CRBN: variants seen among roughly 807,000 people sequenced by gnomAD.
The protein encoded by CRBN is cereblon, also known as protein cereblon.
CRBN carries 53 observed loss-of-function variants against 62.2 expected under a neutral mutation model. The observed-to-expected ratio is 0.85, with a 90% CI of 0.68 to 1.07. The LOEUF (loss-of-function observed/expected upper bound fraction) is 1.07. Ranked by LOEUF, CRBN falls within the 50% of genes least tolerant of loss-of-function variation. The probability of loss-of-function intolerance (pLI) is 0.00; values close to 1 mark genes in which losing one functional copy is unlikely to be tolerated. For missense variants in CRBN, 616 were observed against 531.1 expected, an observed-to-expected ratio of 1.16 and a Z score of -1.57; for synonymous variants, 208 against 176.1, an observed-to-expected ratio of 1.18 and a Z score of -1.43.
At chr3:3,157,883 C>A in intron 5 of CRBN, among the ~76,000 whole-genome samples, 1 of 152,120 alleles carries the variant, frequency 6.6e-6, no homozygotes, top group East Asian at 1.9e-4. Context: ...TGTCTTGTTA[C>A]CAGAGATGTT....
intron 4 of CRBN, among the ~76,000 whole-genome samples, chr3:3,170,955 G>A (rs1379759841): frequency 1.3e-5 from 2 of 152,038 alleles, no homozygotes; most frequent in South Asian, 2.1e-4. Context: ...ACAGTCATGC[G>A]CCACCATGCC....
intron 10 of CRBN, among the ~76,000 whole-genome samples, 199 bp downstream of exon 10, chr3:3,152,257 A>G (rs1426684089): frequency 6.6e-6 from 1 of 151,326 alleles, no homozygotes; most frequent in East Asian, 1.9e-4. Flanking sequence ...GGTTCAAGAG[A>G]TTCTTGTGCC....
intron 1 of CRBN, 104 bp from the exon 2 acceptor site, chr3:3,175,373 T>G: frequency 2.4e-6 from 2 of 844,110 alleles, no homozygotes; most frequent in Non-Finnish European, 4.0e-6. Context: ...CCACATGCAT[T>G]TGGTAAACTC....
chr3:3,149,888 CA>C (rs1482768408), downstream of CRBN: 37 of 152,200 alleles, frequency 2.4e-4, no homozygotes, highest in Admixed American at 2.4e-3. Flanking sequence ...AGTTATCATA[CA>C]AATGTGGAAG....
At chr3:3,151,160 A>T in intron 10 of CRBN, 115 bp from the exon 11 acceptor site, 2 of 1,129,150 alleles carry the variant, frequency 1.8e-6, no homozygotes, top group Non-Finnish European at 2.6e-6. Context: ...TAGAGATTCT[A>T]AGTTGAGATT....
At chr3:3,159,178 GAGACC>G (rs1707033684) in intron 5 of CRBN, among the ~76,000 whole-genome samples, 2 of 152,166 alleles carry the variant, frequency 1.3e-5, no homozygotes, top group Non-Finnish European at 2.9e-5. Flanking sequence ...TTAGCAGCGT[GAGACC>G]AGACTAATAC....
At chr3:3,152,348 T>A (rs972600250) in intron 10 of CRBN, 108 bp downstream of exon 10, 1 of 1,222,008 alleles carries the variant, frequency 8.2e-7, no homozygotes, top group African/African-American at 1.5e-5. Context: ...CATTTGTCTG[T>A]CTACTTTTTA....
In CRBN at chr3:3,156,260, G is replaced by C; in HGVS notation, c.709C>G (p.Leu237Val). Residue 237 changes from leucine (L) to valine (V), a missense_variant, in exon 6 of 11, where the codon CTA becomes GTA. Transcript: ENST00000231948. The stretch of plus-strand genomic sequence containing the variant: ...TACAGCCAGCGAGGCCATGAAGTTA[G>C]ATTTGCACAATGAAACTTTCTCTGA... ...YQKRKFHCAN[L>V]TSWPRWLYSL... 6.2e-7 allele frequency: 1 copy of C among 1,614,000 alleles called. No homozygotes were observed.
At position 3,153,470 on chromosome 3, in the gene CRBN, T is replaced by G. The variant is rs770665841; in HGVS notation, c.970A>C (p.Lys324Gln). ...IMNKCTSLCC[K>Q]QCQETEITTK... Reference sequence around the variant, plus strand: ...GTTATTTCTGTTTCTTGACATTGTTTACAGCAAAGGGAAGTACACTAAAAG... The same window carrying G: ...GTTATTTCTGTTTCTTGACATTGTTGACAGCAAAGGGAAGTACACTAAAAG... The change falls in exon 9 of 11, where the codon AAA (lysine) becomes CAA (glutamine). Residue 324 changes from lysine (K) to glutamine (Q), a missense_variant. Physicochemically the swap from Lys to Gln is moderately conservative, Grantham distance 53. Coordinates refer to ENST00000231948, the MANE Select transcript of CRBN (RefSeq NM_016302.4). The G allele has an allele frequency of 3.8e-6, 6 of 1,580,114 alleles. No homozygotes were observed. The highest frequency in any genetic ancestry group is 5.2e-6 in the Non-Finnish European group (6 of 1,149,290).
chr3:3,153,567 A>C, intron 8 of CRBN, 79 bp from the exon 9 acceptor site: 2 of 834,950 alleles, frequency 2.4e-6, no homozygotes, highest in Middle Eastern at 2.2e-4. Context: ...ATCATCAAGA[A>C]ACTTACTTAT....
rs556806077 is a variant in CRBN, at chr3:3,158,231, A to G, written c.688-1950T>C. ...AGATCCCTCCCATGCGCAGTTCACA[A>G]TAGGGTTTGCGCTCCTATAAGAATC... is the stretch of plus-strand genomic sequence containing the variant. On this transcript the variant is annotated intron_variant, in intron 5 of 10. Coordinates refer to ENST00000231948, the MANE Select transcript of CRBN (RefSeq NM_016302.4). Among the ~76,000 whole-genome samples the G allele has an allele frequency of 5.9e-5, 9 of 152,260 alleles. No individual in the cohort carries two copies. In the South Asian group the frequency reaches 1.5e-3, roughly 25 times the overall value.
intron 7 of CRBN, 182 bp downstream of exon 7, chr3:3,154,565 A>G (rs1706796606): frequency 7.1e-6 from 4 of 564,456 alleles, no homozygotes; most frequent in Non-Finnish European, 1.2e-5. Context: ...TGAGGATTTT[A>G]TTGCAATTAA....
chr3:3,172,651 G>A (rs945337766), intron 4 of CRBN, 125 bp downstream of exon 4: 69 of 990,556 alleles, frequency 7.0e-5, no homozygotes, highest in Non-Finnish European at 9.8e-5. Flanking sequence ...CTATACCTTA[G>A]AAGGGAAAGA....
At chr3:3,152,348 T>C (rs972600250) in intron 10 of CRBN, 108 bp downstream of exon 10, 2 of 1,222,128 alleles carry the variant, frequency 1.6e-6, no homozygotes, top group Non-Finnish European at 2.4e-6. Flanking sequence ...CATTTGTCTG[T>C]CTACTTTTTA....
chr3:3,165,578 AT>A (rs1463346013), intron 5 of CRBN, among the ~76,000 whole-genome samples: 1 of 152,160 alleles, frequency 6.6e-6, no homozygotes, highest in Admixed American at 6.5e-5. Flanking sequence ...GCAATAAAGT[AT>A]TTTTTTATTT....
intron 9 of CRBN, 53 bp from the exon 10 acceptor site, chr3:3,152,640 A>G (rs1282528325): frequency 1.4e-5 from 22 of 1,606,270 alleles, no homozygotes; most frequent in South Asian, 2.2e-5. Context: ...GTCTAATTTT[A>G]TTAAATGCTT....
chr3:3,176,942 A>C (rs770617547), intron 1 of CRBN, among the ~76,000 whole-genome samples: 38 of 152,226 alleles, frequency 2.5e-4, no homozygotes, highest in Admixed American at 3.9e-4. Flanking sequence ...CTTTTCATAC[A>C]AACTATGAGT....
intron 5 of CRBN, among the ~76,000 whole-genome samples, chr3:3,166,781 G>A (rs1707369282): frequency 6.6e-6 from 1 of 151,966 alleles, no homozygotes; most frequent in South Asian, 2.1e-4. Context: ...TCGGTACAGT[G>A]ACTAGTATAT....
At position 3,154,273 on chromosome 3, in the gene CRBN, A is replaced by G. The variant is rs151113367; in HGVS notation, c.836-198T>C. On this transcript the variant is annotated intron_variant, in intron 7 of 10. Coordinates refer to ENST00000231948, the MANE Select transcript of CRBN (RefSeq NM_016302.4). ...CTCTAAATTTAATTGCTTTTCTTAT[A>G]CTTTTTTTGGTAAAATCCTTTTATG... is the stretch of plus-strand genomic sequence containing the variant. 5.1e-5 allele frequency: 29 copies of G among 572,942 alleles called. No homozygotes were observed. In the East Asian group the frequency reaches 8.4e-4, roughly 17 times the overall value. 35.5% of individuals were successfully genotyped at this position (572,942 alleles called of 1,614,324 possible).
Sources: allele counts gnomAD v4.1 joint callset (sites outside exome capture counted in the v4.1 genomes callset), GRCh38; gene constraint gnomAD v4.1.1; transcripts MANE v1.5; gene names NCBI Gene and HGNC (gene_info 2026-07-23, HGNC 2026-07-21).